Variants in FSHR observed in about 807,000 individuals in gnomAD.
The protein encoded by FSHR is follicle-stimulating hormone receptor.
In FSHR, 46 loss-of-function variants were observed where a neutral mutation model predicts 52.1. The ratio of observed to expected loss-of-function variants is 0.88; its 90% CI spans 0.70 to 1.13. FSHR has a LOEUF of 1.13. FSHR is among the 50% of genes most tolerant of loss of function. The pLI is 0.00. For synonymous variants in FSHR, 399 were observed against 309.6 expected, an observed-to-expected ratio of 1.29 and a Z score of -3.03; for missense variants, 964 against 834.6, an observed-to-expected ratio of 1.16 and a Z score of -1.91.
chr2:49,074,047 C>T (rs1188177086), intron 1 of FSHR, among the ~76,000 whole-genome samples: 3 of 151,926 alleles, frequency 2.0e-5, no homozygotes, highest in Admixed American at 2.0e-4. Flanking sequence ...CACAAAATGA[C>T]TCAGAGACCT....
chr2:49,090,207 C>A (rs187536946), intron 1 of FSHR, among the ~76,000 whole-genome samples: 19 of 151,726 alleles, frequency 1.3e-4, no homozygotes, highest in African/African-American at 4.6e-4. Flanking sequence ...ATTCATGTAA[C>A]CACCACAATC....
At chr2:48,999,319 G>A (rs1249988093) in intron 4 of FSHR, among the ~76,000 whole-genome samples, 1 of 152,032 alleles carries the variant, frequency 6.6e-6, no homozygotes, top group African/African-American at 2.4e-5. Flanking sequence ...TATTAGAGTT[G>A]AGGATGCTCA....
At chr2:49,127,063 C>A (rs760180280) in intron 1 of FSHR, among the ~76,000 whole-genome samples, 2 of 152,198 alleles carry the variant, frequency 1.3e-5, no homozygotes, top group African/African-American at 2.4e-5. Context: ...TGCAGTGGCT[C>A]ATGCCTGAAA....
chr2:49,106,571 G>C (rs907570228), intron 1 of FSHR, among the ~76,000 whole-genome samples: 1 of 152,090 alleles, frequency 6.6e-6, no homozygotes, highest in African/African-American at 2.4e-5. Context: ...ACCCTATTCT[G>C]TTCTTTACTT....
chr2:49,127,823 CT>C lies in FSHR; in HGVS notation c.152+26442del, dbSNP rs1558456578. The stretch of plus-strand genomic sequence containing the variant: ...TCTTCTTCTTCTTCTTCTTCTTCTT[CT>C]TCTTCCTCTTCTTCTTCTTCTTCTT... On this transcript the variant is annotated intron_variant, in intron 1 of 9. Coordinates refer to ENST00000406846, the MANE Select transcript of FSHR (RefSeq NM_000145.4). Among the ~76,000 whole-genome samples the C allele has an allele frequency of 1.2e-3, 54 of 45,084 alleles. 1 individual carries two copies. The highest frequency in any genetic ancestry group is 3.8e-3 in the African/African-American group (38 of 10,092). 29.6% of individuals were successfully genotyped at this position (45,084 alleles called of 152,430 possible).
At chr2:49,018,714 G>T (rs994484247) in intron 3 of FSHR, among the ~76,000 whole-genome samples, 1 of 152,182 alleles carries the variant, frequency 6.6e-6, no homozygotes, top group African/African-American at 2.4e-5. Context: ...AACATCACTT[G>T]CAGAGTGCAG....
At chr2:49,074,656 C>T (rs1669879962) in intron 1 of FSHR, among the ~76,000 whole-genome samples, 1 of 152,094 alleles carries the variant, frequency 6.6e-6, no homozygotes, top group Admixed American at 6.5e-5. Flanking sequence ...TATGATCCAG[C>T]AATCCTACTA....
At chr2:48,994,446 A>G (rs1016824527) in intron 4 of FSHR, among the ~76,000 whole-genome samples, 4 of 152,168 alleles carry the variant, frequency 2.6e-5, no homozygotes, top group African/African-American at 9.7e-5. Flanking sequence ...AAAAATGGCT[A>G]AAATTATTCC....
At chr2:49,005,967 CTA>C (rs1667062129) in intron 4 of FSHR, among the ~76,000 whole-genome samples, 2 of 152,196 alleles carry the variant, frequency 1.3e-5, no homozygotes, top group South Asian at 4.1e-4. Context: ...CATGGCCAGA[CTA>C]TAAAGCAGGC....
chr2:49,021,888 G>T (rs4991812), intron 2 of FSHR, among the ~76,000 whole-genome samples: 4,507 of 27,052 alleles, frequency 0.17, 106 homozygotes, highest in Non-Finnish European at 0.18. Context: ...TATATATATA[G>T]AGAGAGAGAG....
chr2:49,033,584 G>A (rs1668176727), intron 2 of FSHR, among the ~76,000 whole-genome samples: 1 of 152,144 alleles, frequency 6.6e-6, no homozygotes, highest in African/African-American at 2.4e-5. Context: ...CTGCAACCAA[G>A]CTGCCTGCAC....
At chr2:49,009,128 CAA>C in intron 4 of FSHR, among the ~76,000 whole-genome samples, 1 of 151,848 alleles carries the variant, frequency 6.6e-6, no homozygotes, top group Admixed American at 6.6e-5. Context: ...ATGGTAATGC[CAA>C]GTTTTCTTCT....
chr2:48,968,921 G>GGCCGAATA, intron 8 of FSHR, 38 bp from the exon 9 acceptor site: 2 of 1,590,670 alleles, frequency 1.3e-6, no homozygotes, highest in Non-Finnish European at 1.7e-6. Flanking sequence ...GGATTACTAT[G>GGCCGAATA]GACCTAAAAC....
In FSHR at chr2:49,017,649, T is replaced by C. The variant is rs1667536234; in HGVS notation, c.300-86A>G. On this transcript the variant is annotated intron_variant, in intron 3 of 9. Transcript: ENST00000406846. Reference sequence around the variant, plus strand: ...CACATTTTACAGAGTACATAATAAATCATTCATCCCATCCACTCATCCACC... The same window carrying C: ...CACATTTTACAGAGTACATAATAAACCATTCATCCCATCCACTCATCCACC... 37 of 958,144 alleles carry C rather than the reference T, an allele frequency of 3.9e-5. No individual in the cohort carries two copies. The South Asian group carries it at 4.6e-4, about 12-fold the overall frequency. 59.4% of individuals were successfully genotyped at this position (958,144 alleles called of 1,614,324 possible).
At chr2:48,969,929 AGCTTGGCC>A (rs1167096597) in intron 8 of FSHR, among the ~76,000 whole-genome samples, 1 of 152,202 alleles carries the variant, frequency 6.6e-6, no homozygotes, top group Non-Finnish European at 1.5e-5. Flanking sequence ...TGGGGCCAAC[AGCTTGGCC>A]GTGAGTGGGT....
In FSHR at chr2:49,068,960, C is replaced by T. The variant is rs531031747; in HGVS notation, c.153-670G>A. Reference sequence around the variant, plus strand: ...CCCCTTCTTTCCTGGATTCTGCTTACTGATATAAAAGCATGCCATAATGTC... The same window carrying T: ...CCCCTTCTTTCCTGGATTCTGCTTATTGATATAAAAGCATGCCATAATGTC... On this transcript the variant is annotated intron_variant, in intron 1 of 9. Transcript: ENST00000406846. 1.6e-4 allele frequency among the ~76,000 whole-genome samples: 25 copies of T among 152,188 alleles called. No individual in the cohort carries two copies. The South Asian group carries it at 5.2e-3, about 32-fold the overall frequency.
intron 5 of FSHR, among the ~76,000 whole-genome samples, chr2:48,990,141 C>A (rs1052191014): frequency 6.6e-6 from 1 of 152,114 alleles, no homozygotes; most frequent in Non-Finnish European, 1.5e-5. Context: ...AAAAGGCAAA[C>A]ACAGCCTGTC....
At chr2:49,130,525 TC>T (rs1292800598) in intron 1 of FSHR, among the ~76,000 whole-genome samples, 1 of 152,230 alleles carries the variant, frequency 6.6e-6, no homozygotes, top group African/African-American at 2.4e-5. Context: ...CCAATTCAGT[TC>T]AACTCATCTA....
intron 9 of FSHR, among the ~76,000 whole-genome samples, chr2:48,966,172 A>G (rs1674469673): frequency 6.6e-6 from 1 of 152,230 alleles, no homozygotes; most frequent in Admixed American, 6.5e-5. Flanking sequence ...AGAGTATTAC[A>G]GTGCTTGGTA....
Sources: allele counts gnomAD v4.1 joint callset (sites outside exome capture counted in the v4.1 genomes callset), GRCh38; gene constraint gnomAD v4.1.1; transcripts MANE v1.5; gene names NCBI Gene and HGNC (gene_info 2026-07-23, HGNC 2026-07-21).